The following TMEM163 variants were observed in gnomAD, a reference collection of about 807,000 sequenced individuals.
TMEM163 encodes the protein transmembrane protein 163.
In TMEM163, 17 loss-of-function variants were observed where a neutral mutation model predicts 29.3. That is an observed-to-expected ratio of 0.58 (90% CI 0.40 to 0.87). The LOEUF is 0.87. Among genes scored for constraint, TMEM163 ranks in the 40% least tolerant of loss-of-function variants. The pLI is 0.00. For synonymous variants in TMEM163, 157 were observed against 160.6 expected (o/e 0.98, Z 0.17); for missense variants, 303 against 381.5 (o/e 0.79, Z 1.71).
intron 2 of TMEM163, among the ~76,000 whole-genome samples, chr2:134,582,631 G>A (rs779979337): frequency 6.6e-6 from 1 of 152,230 alleles, no homozygotes; most frequent in Non-Finnish European, 1.5e-5. Context: ...CTGGTGCATG[G>A]TGGTGCTAGG....
At chr2:134,694,460 T>A (rs1352589344) in intron 2 of TMEM163, among the ~76,000 whole-genome samples, 2 of 152,202 alleles carry the variant, frequency 1.3e-5, no homozygotes, top group Non-Finnish European at 1.5e-5. Context: ...CTTTATCACT[T>A]AAAGGTACTG....
intron 5 of TMEM163, among the ~76,000 whole-genome samples, chr2:134,487,495 G>A (rs757327633): frequency 3.9e-5 from 6 of 152,162 alleles, no homozygotes; most frequent in Non-Finnish European, 7.3e-5. Flanking sequence ...TAATAAATTC[G>A]ATGCAACTTC....
chr2:134,648,114 T>C (rs1172672942), intron 2 of TMEM163, among the ~76,000 whole-genome samples: 1 of 152,106 alleles, frequency 6.6e-6, no homozygotes, highest in African/African-American at 2.4e-5. Context: ...GGGGATTTTA[T>C]TGGCGATGAA....
chr2:134,637,336 A>G (rs1683127512), intron 2 of TMEM163, among the ~76,000 whole-genome samples: 1 of 152,098 alleles, frequency 6.6e-6, no homozygotes, highest in Non-Finnish European at 1.5e-5. Context: ...CTCATACTAC[A>G]TGAGTGAGTG....
chr2:134,517,282 T>A (rs1680092130), intron 4 of TMEM163, among the ~76,000 whole-genome samples: 1 of 152,186 alleles, frequency 6.6e-6, no homozygotes, highest in Non-Finnish European at 1.5e-5. Flanking sequence ...ACTTCTCGCA[T>A]GCTTTTCCTT....
intron 5 of TMEM163, among the ~76,000 whole-genome samples, chr2:134,494,130 G>C (rs1679493286): frequency 6.6e-6 from 1 of 152,148 alleles, no homozygotes. Context: ...CCTTCCGTCT[G>C]TTAATAATCC....
At chr2:134,618,522 T>A (rs1254687242) in intron 2 of TMEM163, among the ~76,000 whole-genome samples, 1 of 152,098 alleles carries the variant, frequency 6.6e-6, no homozygotes, top group Non-Finnish European at 1.5e-5. Context: ...TATAAAAAAT[T>A]GAATAACATT....
chr2:134,624,217 T>C (rs1461997776), intron 2 of TMEM163, among the ~76,000 whole-genome samples: 2 of 152,198 alleles, frequency 1.3e-5, no homozygotes, highest in Non-Finnish European at 2.9e-5. Context: ...GGAATGCTCA[T>C]TGCTGAAAAC....
intron 5 of TMEM163, among the ~76,000 whole-genome samples, chr2:134,500,902 C>G (rs1679683130): frequency 6.6e-6 from 1 of 151,996 alleles, no homozygotes. Context: ...GTGTTCTAAA[C>G]AATTATAGGA....
chr2:134,499,738 A>G (rs1381468729), intron 5 of TMEM163, among the ~76,000 whole-genome samples: 1 of 152,216 alleles, frequency 6.6e-6, no homozygotes, highest in Non-Finnish European at 1.5e-5. Flanking sequence ...GACAGAACCT[A>G]CAGTCACAGC....
At chr2:134,491,632 G>C (rs970066037) in intron 5 of TMEM163, among the ~76,000 whole-genome samples, 2 of 152,206 alleles carry the variant, frequency 1.3e-5, no homozygotes, top group Non-Finnish European at 2.9e-5. Flanking sequence ...TCTGGAAGGA[G>C]TGGTTTTATT....
At chr2:134,643,678 C>G (rs1683268493) in intron 2 of TMEM163, among the ~76,000 whole-genome samples, 1 of 151,010 alleles carries the variant, frequency 6.6e-6, no homozygotes, top group Admixed American at 6.6e-5. Flanking sequence ...AAAAAAACAA[C>G]TCTTAGGAAA....
chr2:134,648,997 A>G (rs1046176328), intron 2 of TMEM163, among the ~76,000 whole-genome samples: 4 of 152,146 alleles, frequency 2.6e-5, no homozygotes, highest in South Asian at 2.1e-4. Flanking sequence ...GTAGTGGGGG[A>G]AAATAAAATT....
At chr2:134,581,683 T>C (rs1681698058) in intron 2 of TMEM163, among the ~76,000 whole-genome samples, 1 of 152,086 alleles carries the variant, frequency 6.6e-6, no homozygotes, top group African/African-American at 2.4e-5. Flanking sequence ...AGTTCAAAAG[T>C]CAAGTCAGCT....
At chr2:134,629,567 C>T (rs924108176) in intron 2 of TMEM163, among the ~76,000 whole-genome samples, 11 of 152,108 alleles carry the variant, frequency 7.2e-5, no homozygotes, top group Admixed American at 3.9e-4. Context: ...GCCCTTGTAC[C>T]TTTCTGTTTT....
intron 2 of TMEM163, among the ~76,000 whole-genome samples, chr2:134,693,074 AC>A (rs773052422): frequency 6.6e-6 from 1 of 151,694 alleles, no homozygotes; most frequent in Non-Finnish European, 1.5e-5. Flanking sequence ...ACATCTCTGG[AC>A]CCCCCTGTGC....
chr2:134,588,896 A>T (rs1320916517), intron 2 of TMEM163, among the ~76,000 whole-genome samples: 1 of 152,176 alleles, frequency 6.6e-6, no homozygotes, highest in East Asian at 1.9e-4. Context: ...GTTAGACCAA[A>T]GTGTAGAGTT....
At chr2:134,459,708 C>T (rs35381820) in intron 6 of TMEM163, among the ~76,000 whole-genome samples, 5,339 of 151,900 alleles carry the variant, frequency 0.035, 160 homozygotes, top group South Asian at 0.13. Flanking sequence ...TGGTGACAGG[C>T]CCCCTTTTGG....
chr2:134,566,048 T>C (rs1681293313), intron 2 of TMEM163, among the ~76,000 whole-genome samples: 1 of 152,192 alleles, frequency 6.6e-6, no homozygotes, highest in South Asian at 2.1e-4. Flanking sequence ...CATTAAGCTA[T>C]GGGATTTTCA....
Sources: allele counts gnomAD v4.1 joint callset (sites outside exome capture counted in the v4.1 genomes callset), GRCh38; gene constraint gnomAD v4.1.1; transcripts MANE v1.5; gene names NCBI Gene and HGNC (gene_info 2026-07-23, HGNC 2026-07-21).